The following APBA2 variants were observed in gnomAD, a reference collection of about 807,000 sequenced individuals.
APBA2 encodes amyloid beta precursor protein binding family A member 2, also known as amyloid-beta A4 precursor protein-binding family A member 2.
In APBA2, 30 loss-of-function variants were observed where a neutral mutation model predicts 75.0. The observed-to-expected ratio is 0.40, with a 90% CI of 0.30 to 0.54. APBA2 has a LOEUF of 0.54. Ranked by LOEUF, APBA2 falls within the 20% of genes least tolerant of loss-of-function variation. The pLI is 0.49. For synonymous variants in APBA2, 444 were observed against 409.6 expected, an observed-to-expected ratio of 1.08 and a Z score of -1.01; for missense variants, 801 against 1,016.1, an observed-to-expected ratio of 0.79 and a Z score of 2.88.
At chr15:29,053,653 G>A (rs1019018408) in intron 3 of APBA2, among the ~76,000 whole-genome samples, 192 bp from the exon 4 acceptor site, 2 of 151,996 alleles carry the variant, frequency 1.3e-5, no homozygotes, top group African/African-American at 2.4e-5. Flanking sequence ...GTGTGCCCTC[G>A]TTCTCCTTGG....
At position 29,114,031 on chromosome 15, in the gene APBA2, T is replaced by A; in HGVS notation, c.2178+15T>A. The stretch of plus-strand genomic sequence containing the variant: ...CGGTCGGAGAGGTAAGGAGGGACTT[T>A]GAGTGTGCCTCTGCATGCCGGTTCC... On this transcript the variant is annotated intron_variant, in intron 14 of 14. Transcript: ENST00000683413. The A allele has an allele frequency of 6.2e-7, 1 of 1,613,684 alleles. No homozygotes were observed. Among genetic ancestry groups the A allele is most frequent in the Non-Finnish European group, 8.5e-7 (1 of 1,180,036 alleles).
chr15:29,018,487 C>T lies in APBA2; in HGVS notation c.-41+22681C>T, dbSNP rs547020901. ...GAGCAAGAAGGATGAACTGGCTTCC[C>T]GGGGAGGGGCCAGCAGTCCTTCTGC... On this transcript the variant is annotated intron_variant, in intron 3 of 14. Coordinates refer to ENST00000683413, the MANE Select transcript of APBA2 (RefSeq NM_001353788.2). 1.4e-4 allele frequency among the ~76,000 whole-genome samples: 22 copies of T among 152,170 alleles called. No individual in the cohort carries two copies. In the South Asian group the frequency reaches 3.7e-3, roughly 26 times the overall value.
intron 3 of APBA2, among the ~76,000 whole-genome samples, chr15:29,007,485 A>T (rs1298965118): frequency 6.6e-6 from 1 of 152,230 alleles, no homozygotes; most frequent in Non-Finnish European, 1.5e-5. Flanking sequence ...TACATCTGAT[A>T]AAGGGTTAAT....
chr15:28,892,553 A>G (rs186309430), intron 1 of APBA2, among the ~76,000 whole-genome samples: 3 of 151,722 alleles, frequency 2.0e-5, no homozygotes, highest in Non-Finnish European at 4.4e-5. Flanking sequence ...AGTATGCTCT[A>G]TGATGTTTGC....
chr15:28,988,081 A>G (rs1396716008), intron 2 of APBA2, among the ~76,000 whole-genome samples: 1 of 151,954 alleles, frequency 6.6e-6, no homozygotes, highest in Non-Finnish European at 1.5e-5. Context: ...AAAGCATCAT[A>G]ACACCATTGC....
rs2033821619 is a variant in APBA2 at position 28,918,906 on chromosome 15, C to T, written c.-204-2734C>T. ...ACGGAGTCGCGCTCTGTCTCCCAGG[C>T]TGGAGTGCAGTGGCGCTATCTTGGC... On this transcript the variant is annotated intron_variant, in intron 1 of 14. Coordinates refer to ENST00000683413, the MANE Select transcript of APBA2 (RefSeq NM_001353788.2). The surrounding 1 kb of genome is among the most constrained non-coding windows in gnomAD (Gnocchi z 4.2). Among the ~76,000 whole-genome samples the T allele has an allele frequency of 6.6e-6, 1 of 151,836 alleles. No individual in the cohort carries two copies. Among genetic ancestry groups the T allele is most frequent in the South Asian group, 2.1e-4 (1 of 4,804 alleles).
intron 3 of APBA2, among the ~76,000 whole-genome samples, chr15:29,024,415 A>T (rs2040113005): frequency 6.6e-6 from 1 of 152,122 alleles, no homozygotes; most frequent in African/African-American, 2.4e-5. Flanking sequence ...TGGTTTCTTT[A>T]CCAGGGCCTG....
Position 29,093,148 on chromosome 15 carries a change from G to A in APBA2, c.1143G>A (p.Gln381=), listed in dbSNP as rs1432532147. The part of the protein sequence containing the change: ...IFAANYLGST[Q]LLSERNPSKN... ...CTGCCAATTACCTGGGGTCCACCCA[G>A]CTGCTATCAGAACGGAACCCTTCCA... is the stretch of plus-strand genomic sequence containing the variant. The change falls in exon 7 of 15, where the codon CAG becomes CAA. Residue 381 remains glutamine, a synonymous_variant. Coordinates refer to ENST00000683413, the MANE Select transcript of APBA2 (RefSeq NM_001353788.2). The A allele has an allele frequency of 6.2e-7, 1 of 1,614,260 alleles. No homozygotes were observed. The highest frequency in any genetic ancestry group is 8.5e-7 in the Non-Finnish European group (1 of 1,180,056).
At chr15:28,890,117 G>A (rs903683733) in intron 1 of APBA2, among the ~76,000 whole-genome samples, 1 of 152,166 alleles carries the variant, frequency 6.6e-6, no homozygotes, top group Non-Finnish European at 1.5e-5. Context: ...TCCCAGAGCT[G>A]GAACCTAGCT....
rs1296796434 is a variant in APBA2 at position 29,117,371 on chromosome 15, T to G, written c.*238T>G. 6 of 582,080 alleles carry G rather than the reference T, an allele frequency of 1.0e-5. No individual in the cohort carries two copies. Among genetic ancestry groups the G allele is most frequent in the Non-Finnish European group, 1.5e-5 (5 of 325,344 alleles). 36.1% of individuals were successfully genotyped at this position (582,080 alleles called of 1,614,324 possible). On this transcript the variant is annotated 3_prime_UTR_variant, in exon 15 of 15. Coordinates refer to ENST00000683413, the MANE Select transcript of APBA2 (RefSeq NM_001353788.2). ...TGTTTGTAAAGCGTTCCAAGTATTT[T>G]GCCACGTTCTGGACTGTCTTCTCCC... is the stretch of plus-strand genomic sequence containing the variant.
At chr15:29,033,767 T>C (rs1474966282) in intron 3 of APBA2, among the ~76,000 whole-genome samples, 1 of 152,068 alleles carries the variant, frequency 6.6e-6, no homozygotes, top group Non-Finnish European at 1.5e-5. Context: ...GAGACCATCC[T>C]GGCTAATAAC....
chr15:28,968,954 T>C (rs2036886398), intron 2 of APBA2, among the ~76,000 whole-genome samples: 1 of 151,990 alleles, frequency 6.6e-6, no homozygotes, highest in Non-Finnish European at 1.5e-5. Context: ...TCTTTTTTTT[T>C]CTGGAGGTAA....
At chr15:29,004,759 A>AC (rs1265291140) in intron 3 of APBA2, among the ~76,000 whole-genome samples, 1 of 151,524 alleles carries the variant, frequency 6.6e-6, no homozygotes, top group Non-Finnish European at 1.5e-5. Flanking sequence ...TGCTCACCGT[A>AC]CCCTCCGCCT....
At chr15:28,963,384 A>G (rs2036576233) in intron 2 of APBA2, among the ~76,000 whole-genome samples, 2 of 152,216 alleles carry the variant, frequency 1.3e-5, no homozygotes, top group South Asian at 2.1e-4. Flanking sequence ...CCCTGTGCCC[A>G]GCACATTGCT....
At chr15:28,908,174 A>C (rs1446655670) in intron 1 of APBA2, among the ~76,000 whole-genome samples, 1 of 152,124 alleles carries the variant, frequency 6.6e-6, no homozygotes, top group South Asian at 2.1e-4. Context: ...GAGGTTTTGC[A>C]TGCTCCTTAC....
intron 2 of APBA2, chr15:28,976,987 C>T (rs945439207): frequency 2.6e-5 from 4 of 152,172 alleles, no homozygotes; most frequent in African/African-American, 9.7e-5. Context: ...AATTAAATTT[C>T]CTTAACATTT....
intron 13 of APBA2, among the ~76,000 whole-genome samples, chr15:29,110,752 T>C (rs1357968137): frequency 6.6e-6 from 1 of 152,122 alleles, no homozygotes; most frequent in Non-Finnish European, 1.5e-5. Context: ...GTTTGTGTTT[T>C]GTGGGGGCTA....
At chr15:29,025,700 C>T (rs2040185228) in intron 3 of APBA2, among the ~76,000 whole-genome samples, 1 of 151,218 alleles carries the variant, frequency 6.6e-6, no homozygotes, top group Non-Finnish European at 1.5e-5. Flanking sequence ...GCCTATAATC[C>T]CAGCAATTTG....
chr15:29,111,292 C>T (rs114747934), intron 13 of APBA2, among the ~76,000 whole-genome samples: 3,280 of 152,034 alleles, frequency 0.022, 135 homozygotes, highest in African/African-American at 0.076. Flanking sequence ...CTTGTGGATG[C>T]GCTGTTGTTC....
Sources: gnomAD v4.1 joint callset for allele counts (sites outside exome capture counted in the v4.1 genomes callset) on GRCh38, gnomAD v4.1.1 for gene constraint, Gnocchi (gnomAD v3.1) non-coding constraint, MANE v1.5 for transcripts, NCBI Gene and HGNC (gene_info 2026-07-23, HGNC 2026-07-21) for gene names.